Variants in NCF4 observed in about 807,000 individuals in gnomAD.
NCF4 encodes the protein neutrophil cytosol factor 4.
NCF4 carries 30 observed loss-of-function variants against 41.7 expected under a neutral mutation model. That is an observed-to-expected ratio of 0.72 (90% CI 0.54 to 0.97). The LOEUF (loss-of-function observed/expected upper bound fraction) is 0.97, where lower values mean the gene tolerates loss of function less well. Among genes scored for constraint, NCF4 ranks in the 50% least tolerant of loss-of-function variants. The pLI, the probability that NCF4 is intolerant of heterozygous loss-of-function variation, is 0.00. For synonymous variants in NCF4, 195 were observed against 175.8 expected, an observed-to-expected ratio of 1.11 and a Z score of -0.87; for missense variants, 432 against 460.9, an observed-to-expected ratio of 0.94 and a Z score of 0.57.
Position 36,877,783 on chromosome 22 carries a change from C to A in NCF4, c.980C>A (p.Thr327Lys). 6.2e-7 allele frequency: 1 copy of A among 1,614,024 alleles called. No homozygotes were observed. Among genetic ancestry groups the A allele is most frequent in the Non-Finnish European group, 8.5e-7 (1 of 1,179,994 alleles). The change falls in exon 10 of 10, where the codon ACG becomes AAG. Residue 327 changes from threonine (T) to lysine (K), a missense_variant. Coordinates refer to ENST00000248899, the MANE Select transcript of NCF4 (RefSeq NM_000631.5). ...CTCTTCCCCTGGAAGCTGCACATCA[C>A]GCAGAAGGACAACTACAGGGTCTAC... Reference protein sequence around the residue: ...KRLFPWKLHITQKDNYRVYNT... With the variant: ...KRLFPWKLHIKQKDNYRVYNT...
In NCF4 at chr22:36,872,426, G is replaced by T; in HGVS notation, c.627+1G>T. ...TCGGATCAACAAAGACTGGCTGGAG[G>T]TGAGTTCAGAAGTGAGGATGGAGGT... is the stretch of plus-strand genomic sequence containing the variant. On this transcript the variant is annotated splice_donor_variant, in intron 7 of 9. Transcript: ENST00000248899. LOFTEE classifies it high-confidence loss of function. 1 of 1,599,942 alleles carries T rather than the reference G, an allele frequency of 6.3e-7. No homozygotes were observed. Among genetic ancestry groups the T allele is most frequent in the Non-Finnish European group, 8.6e-7 (1 of 1,167,156 alleles).
At chr22:36,868,901 C>A (rs999549920) in intron 4 of NCF4, among the ~76,000 whole-genome samples, 2 of 152,148 alleles carry the variant, frequency 1.3e-5, no homozygotes, top group African/African-American at 2.4e-5. Context: ...CCGCCCTGAC[C>A]CAGGCTGCCT....
chr22:36,875,676 C>T lies in NCF4; in HGVS notation c.651C>T (p.Gly217=), dbSNP rs1940175050. The T allele has an allele frequency of 6.2e-7, 1 of 1,612,496 alleles. No homozygotes were observed. Among genetic ancestry groups the T allele is most frequent in the African/African-American group, 1.3e-5 (1 of 74,920 alleles). The change falls in exon 8 of 10, where the codon GGC becomes GGT. Residue 217 remains glycine, a synonymous_variant. Coordinates refer to ENST00000248899, the MANE Select transcript of NCF4 (RefSeq NM_000631.5). ...WLEGTVRGAT[G]IFPLSFVKIL... Reference sequence around the variant, plus strand: ...AGGGCACTGTCCGGGGAGCCACGGGCATCTTCCCTCTCTCCTTCGTGAAGA... The same window carrying T: ...AGGGCACTGTCCGGGGAGCCACGGGTATCTTCCCTCTCTCCTTCGTGAAGA...
chr22:36,864,019 G>A lies in NCF4; in HGVS notation c.33-26G>A, dbSNP rs769524734. 7 of 1,606,944 alleles carry A rather than the reference G, an allele frequency of 4.4e-6. No individual in the cohort carries two copies. The South Asian group carries it at 4.4e-5, about 10-fold the overall frequency. On this transcript the variant is annotated intron_variant, in intron 1 of 9. Transcript: ENST00000248899. ...CAAAACACATCAGGGTGATAAGCAGGATCTCTTTTCCCCTCCTTCGCACAG... is the reference window on the plus strand; with the variant it reads ...CAAAACACATCAGGGTGATAAGCAGAATCTCTTTTCCCCTCCTTCGCACAG...
chr22:36,861,495 T>C (rs960005513), intron 1 of NCF4, among the ~76,000 whole-genome samples: 1 of 152,186 alleles, frequency 6.6e-6, no homozygotes, highest in Non-Finnish European at 1.5e-5. Flanking sequence ...GTGTCCTGGG[T>C]CCCAGGCTGG....
rs1403297709 is a variant in NCF4, at chr22:36,877,792, A to G, written c.989A>G (p.Asp330Gly). The change falls in exon 10 of 10, where the codon GAC becomes GGC. Residue 330 changes from aspartate (D) to glycine (G), a missense_variant. Coordinates refer to ENST00000248899, the MANE Select transcript of NCF4 (RefSeq NM_000631.5). ...FPWKLHITQK[D>G]NYRVYNTMP ...TGGAAGCTGCACATCACGCAGAAGG[A>G]CAACTACAGGGTCTACAACACGATG... 1 of 1,614,000 alleles carries G rather than the reference A, an allele frequency of 6.2e-7. No homozygotes were observed.
rs773596460 is a variant in NCF4 at position 36,865,072 on chromosome 22, G to T, written c.271G>T (p.Ala91Ser). The T allele has an allele frequency of 1.9e-6, 3 of 1,609,554 alleles. No individual in the cohort carries two copies. The highest frequency in any genetic ancestry group is 2.7e-5 in the African/African-American group (2 of 74,848). The change falls in exon 3 of 10, where the codon GCC becomes TCC. Residue 91 changes from alanine (A) to serine (S), a missense_variant and splice_region_variant. Physicochemically the swap from Ala to Ser is moderately conservative, Grantham distance 99 (BLOSUM62 1). Transcript: ENST00000248899. This position sits in a 1 kb window ranked among gnomAD's most constrained non-coding sequence, Gnocchi z 4.3. ...ALACTLPTLP[A>S]KVYVGVKQEI... Reference sequence around the variant, plus strand: ...GGCCTGTACCCTGCCCACACTCCCAGGTAGGCGGCCACTCCCGTCCTGCTG... The same window carrying T: ...GGCCTGTACCCTGCCCACACTCCCATGTAGGCGGCCACTCCCGTCCTGCTG...
intron 7 of NCF4, among the ~76,000 whole-genome samples, chr22:36,873,151 G>T (rs551743806): frequency 6.7e-6 from 1 of 150,240 alleles, no homozygotes; most frequent in Non-Finnish European, 1.5e-5. Context: ...TAGAGGTGAA[G>T]ATAGAAATGA....
chr22:36,877,755 C>G lies in NCF4; in HGVS notation c.952C>G (p.Arg318Gly). 6.2e-7 allele frequency: 1 copy of G among 1,614,028 alleles called. No individual in the cohort carries two copies. The change falls in exon 10 of 10, where the codon CGC becomes GGC. Residue 318 changes from arginine to glycine, a missense_variant. Physicochemically the swap from Arg to Gly is moderately radical, Grantham distance 125. Coordinates refer to ENST00000248899, the MANE Select transcript of NCF4 (RefSeq NM_000631.5). The stretch of plus-strand genomic sequence containing the variant: ...GGCTCGTGGCCTCCCCTCCCAGAAG[C>G]GCCTCTTCCCCTGGAAGCTGCACAT... Reference protein sequence around the residue: ...RQARGLPSQKRLFPWKLHITQ... With the variant: ...RQARGLPSQKGLFPWKLHITQ...
chr22:36,865,088 C>T lies in NCF4; in HGVS notation c.271+16C>T, dbSNP rs759457602. The stretch of plus-strand genomic sequence containing the variant: ...ACACTCCCAGGTAGGCGGCCACTCC[C>T]GTCCTGCTGCTGCAGAGCTGCTGAC... On this transcript the variant is annotated intron_variant, in intron 3 of 9. Transcript: ENST00000248899. The surrounding 1 kb of genome is among the most constrained non-coding windows in gnomAD (Gnocchi z 4.3). 9.3e-6 allele frequency: 15 copies of T among 1,606,602 alleles called. No homozygotes were observed. The highest frequency in any genetic ancestry group is 1.8e-4 in the Middle Eastern group (1 of 5,564).
chr22:36,867,777 T>C (rs896522336), intron 4 of NCF4, among the ~76,000 whole-genome samples: 3 of 152,220 alleles, frequency 2.0e-5, no homozygotes, highest in Non-Finnish European at 4.4e-5. Flanking sequence ...TTCCATCCAG[T>C]GTCTGCCCCC....
intron 1 of NCF4, among the ~76,000 whole-genome samples, chr22:36,862,060 G>T (rs977003402): frequency 1.3e-5 from 2 of 152,168 alleles, no homozygotes; most frequent in Admixed American, 1.3e-4. Flanking sequence ...ATCTAGCCTC[G>T]TCGCTTGGGA....
intron 1 of NCF4, among the ~76,000 whole-genome samples, chr22:36,863,296 C>T (rs977743302): frequency 1.2e-4 from 18 of 151,996 alleles, no homozygotes; most frequent in Admixed American, 3.3e-4. Context: ...CATGACCACC[C>T]GGAGACATAA....
In NCF4 at chr22:36,868,169, G is replaced by A. The variant is rs183567679; in HGVS notation, c.342+707G>A. On this transcript the variant is annotated intron_variant, in intron 4 of 9. Coordinates refer to ENST00000248899, the MANE Select transcript of NCF4 (RefSeq NM_000631.5). ...CTCATGAGGTGGCAGTGAGTGCACC[G>A]TCGCTAGAGACCTGATAGTGACCTC... Among the ~76,000 whole-genome samples the A allele has an allele frequency of 6.9e-4, 105 of 152,344 alleles. 1 individual carries two copies. Among genetic ancestry groups the A allele is most frequent in the African/African-American group, 2.4e-3 (99 of 41,576 alleles).
chr22:36,864,097 A>C lies in NCF4; in HGVS notation c.85A>C (p.Ile29Leu), dbSNP rs1939858000. 7.4e-6 allele frequency: 12 copies of C among 1,614,016 alleles called. No individual in the cohort carries two copies. The highest frequency in any genetic ancestry group is 1.0e-5 in the Non-Finnish European group (12 of 1,179,998). ...DVAISANIAD[I>L]EEKRGFTSHF... ...TGCCATCTCGGCCAACATTGCTGAC[A>C]TCGAGGAGAAGAGAGGCTTCACCAG... The change falls in exon 2 of 10, where the codon ATC (isoleucine) becomes CTC (leucine). Residue 29 changes from isoleucine (I) to leucine (L), a missense_variant. Ile to Leu is a conservative substitution (Grantham distance 5). Transcript: ENST00000248899.
intron 6 of NCF4, 112 bp from the exon 7 acceptor site, chr22:36,872,212 TCCC>T (rs746894095): frequency 5.3e-5 from 47 of 894,208 alleles, no homozygotes; most frequent in Non-Finnish European, 8.2e-5. Context: ...TCGCTTATTC[TCCC>T]CAAGCCTCAG....
chr22:36,867,285 G>C lies in NCF4; in HGVS notation c.272-107G>C, dbSNP rs1939950082. 4 of 1,138,820 alleles carry C rather than the reference G, an allele frequency of 3.5e-6. No homozygotes were observed. In the South Asian group the frequency reaches 5.1e-5, roughly 14 times the overall value. The allele number at this position is 1,138,820 out of a possible 1,614,324, so 70.5% of individuals were successfully genotyped here. On this transcript the variant is annotated intron_variant, in intron 3 of 9. Transcript: ENST00000248899. ...AAAAGATAACAGGGAAGAATGCTGA[G>C]CCATCGGGAAGGGGCTCTGGCCAGG...
At position 36,867,386 on chromosome 22, in the gene NCF4, T is replaced by C; in HGVS notation, c.272-6T>C. ...GCTCCTAGGACAGCTCTTTGTCTCT[T>C]CTCAGCCAAAGTCTACGTGGGTGTG... On this transcript the variant is annotated splice_region_variant and splice_polypyrimidine_tract_variant and intron_variant, in intron 3 of 9. Coordinates refer to ENST00000248899, the MANE Select transcript of NCF4 (RefSeq NM_000631.5). 6.2e-7 allele frequency: 1 copy of C among 1,614,138 alleles called. No individual in the cohort carries two copies.
intron 2 of NCF4, 26 bp downstream of exon 2, chr22:36,864,155 C>T: frequency 6.3e-7 from 1 of 1,576,982 alleles, no homozygotes; most frequent in Non-Finnish European, 8.7e-7. Flanking sequence ...AGTCCTTCAC[C>T]CAACAACCTC....
Sources: gnomAD v4.1 joint callset for allele counts (sites outside exome capture counted in the v4.1 genomes callset) on GRCh38, gnomAD v4.1.1 for gene constraint, Gnocchi (gnomAD v3.1) non-coding constraint, MANE v1.5 for transcripts, NCBI Gene and HGNC (gene_info 2026-07-23, HGNC 2026-07-21) for gene names.